The following FAM210B variants were observed in gnomAD, a reference collection of about 807,000 sequenced individuals.
FAM210B encodes family with sequence similarity 210 member B.
FAM210B carries 11 observed loss-of-function variants against 14.9 expected under a neutral mutation model. The observed-to-expected ratio is 0.74, with a 90% CI of 0.46 to 1.22. The LOEUF is 1.22. FAM210B is among the 50% of genes most tolerant of loss of function. FAM210B has a pLI of 0.00. For synonymous variants in FAM210B, 113 were observed against 110.2 expected, an observed-to-expected ratio of 1.03 and a Z score of -0.16; for missense variants, 229 against 250.1, an observed-to-expected ratio of 0.92 and a Z score of 0.57.
chr20:56,360,016 T>G (rs971647922), intron 1 of FAM210B, among the ~76,000 whole-genome samples: 21 of 152,224 alleles, frequency 1.4e-4, no homozygotes, highest in African/African-American at 5.1e-4. Flanking sequence ...CAGCAAGAGT[T>G]TGGGAGACAA....
At chr20:56,365,292 T>C (rs755209154) in intron 2 of FAM210B, 30 bp downstream of exon 2, 6 of 1,596,952 alleles carry the variant, frequency 3.8e-6, no homozygotes, top group Non-Finnish European at 5.1e-6. Flanking sequence ...TTAATATTTG[T>C]TTTTTACTGT....
At chr20:56,361,730 A>G (rs1337043473) in intron 1 of FAM210B, among the ~76,000 whole-genome samples, 3 of 152,126 alleles carry the variant, frequency 2.0e-5, no homozygotes, top group Non-Finnish European at 4.4e-5. Context: ...TAATCCCAGC[A>G]CTTTGGGAGG....
chr20:56,364,209 G>C (rs1983586227), intron 1 of FAM210B, among the ~76,000 whole-genome samples: 1 of 152,238 alleles, frequency 6.6e-6, no homozygotes. Flanking sequence ...CTAGAGGTCA[G>C]AAGTCCAAAA....
intron 1 of FAM210B, among the ~76,000 whole-genome samples, chr20:56,361,357 C>T (rs1482697839): frequency 6.6e-6 from 1 of 152,136 alleles, no homozygotes; most frequent in Non-Finnish European, 1.5e-5. Context: ...TGTTTATTGT[C>T]CCTGCCTTCC....
rs1381443547 is a variant in FAM210B at position 56,368,475 on chromosome 20, T to TC, written c.*2190dup. 6.6e-6 allele frequency: 1 copy of TC among 152,222 alleles called. No individual in the cohort carries two copies. The highest frequency in any genetic ancestry group is 2.4e-5 in the African/African-American group (1 of 41,440). 9.4% of individuals were successfully genotyped at this position (152,222 alleles called of 1,614,324 possible). On this transcript the variant is annotated 3_prime_UTR_variant, in exon 3 of 3. Transcript: ENST00000371384. ...CATACCAAAAAGCCACATTGCTCTC[T>TC]CCTAAGCCCCAACCCCACTCCACTC...
rs1176270649 is a variant in FAM210B, at chr20:56,367,882, C to T, written c.*1595C>T. On this transcript the variant is annotated 3_prime_UTR_variant, in exon 3 of 3. Transcript: ENST00000371384. ...CTGGCTCCTAATTCCTTTAAAATTA[C>T]ATTTGTTGCAGAACCTCCACAAGGC... 1 of 152,220 alleles carries T rather than the reference C, an allele frequency of 6.6e-6. No individual in the cohort carries two copies. The highest frequency in any genetic ancestry group is 1.9e-4 in the East Asian group (1 of 5,202). The allele number at this position is 152,220 out of a possible 1,614,324, so 9.4% of individuals were successfully genotyped here. A position where few individuals can be genotyped will look rare whatever the true frequency, so the allele number is the denominator to read the frequency against.
Position 56,359,312 on chromosome 20 carries a change from C to T in FAM210B, c.186+121C>T. ...CCTTTGCACTTGTAGCTGCCCGGGA[C>T]CGAGCTCTTCCAGGGTCCCCGAAAC... On this transcript the variant is annotated intron_variant, in intron 1 of 2. Transcript: ENST00000371384. This position sits in a 1 kb window ranked among gnomAD's most constrained non-coding sequence, Gnocchi z 4.3. The T allele has an allele frequency of 9.8e-7, 1 of 1,016,832 alleles. No homozygotes were observed. The highest frequency in any genetic ancestry group is 5.0e-5 in the South Asian group (1 of 19,814). 63.0% of individuals were successfully genotyped at this position (1,016,832 alleles called of 1,614,324 possible).
rs1367739302 is a variant in FAM210B at position 56,366,597 on chromosome 20, G to A, written c.*310G>A. On this transcript the variant is annotated 3_prime_UTR_variant, in exon 3 of 3. Coordinates refer to ENST00000371384, the MANE Select transcript of FAM210B (RefSeq NM_080821.3). ...AATGTTCCTTGTGGGAGACTTTGGC[G>A]AGGGTCTGTGGGTAAAAGCACCAGG... 1.5e-5 allele frequency: 4 copies of A among 267,670 alleles called. No homozygotes were observed. The South Asian group carries it at 2.0e-4, about 13-fold the overall frequency. The allele number at this position is 267,670 out of a possible 1,614,324, so 16.6% of individuals were successfully genotyped here.
rs1271914214 is a variant in FAM210B, at chr20:56,359,224, G to A, written c.186+33G>A. ...CCCCACCCCGACCCTGATCCCGGGC[G>A]GTGTCCAGGTCCCCAGACGTCCGCA... On this transcript the variant is annotated intron_variant, in intron 1 of 2. Coordinates refer to ENST00000371384, the MANE Select transcript of FAM210B (RefSeq NM_080821.3). This position sits in a 1 kb window ranked among gnomAD's most constrained non-coding sequence, Gnocchi z 4.3. The A allele has an allele frequency of 1.6e-6, 2 of 1,222,316 alleles. No homozygotes were observed. The highest frequency in any genetic ancestry group is 4.1e-5 in the South Asian group (1 of 24,184). The allele number at this position is 1,222,316 out of a possible 1,614,324, so 75.7% of individuals were successfully genotyped here.
Position 56,365,078 on chromosome 20 carries a change from T to G in FAM210B, c.187-9T>G. ...CTAAAGCACCTCCTCTTCTCTGATT[T>G]GTACACAGGACCCCAGCCAGGCCAC... is the stretch of plus-strand genomic sequence containing the variant. On this transcript the variant is annotated splice_polypyrimidine_tract_variant and intron_variant, in intron 1 of 2. Coordinates refer to ENST00000371384, the MANE Select transcript of FAM210B (RefSeq NM_080821.3). 1 of 1,610,370 alleles carries G rather than the reference T, an allele frequency of 6.2e-7. No individual in the cohort carries two copies. The highest frequency in any genetic ancestry group is 8.5e-7 in the Non-Finnish European group (1 of 1,179,044).
intron 1 of FAM210B, among the ~76,000 whole-genome samples, chr20:56,364,277 G>A (rs146493173): frequency 3.8e-4 from 58 of 152,274 alleles, no homozygotes; most frequent in African/African-American, 1.3e-3. Context: ...CTAGGGGCTC[G>A]AATCCATGTC....
chr20:56,360,278 A>C, intron 1 of FAM210B: 1 of 468,836 alleles, frequency 2.1e-6, no homozygotes, highest in South Asian at 1.5e-5. Context: ...GGCCCAGCCC[A>C]GCTGTTCCTT....
rs1164284471 is a variant in FAM210B at position 56,362,964 on chromosome 20, G to A, written c.187-2123G>A. 6.6e-6 allele frequency among the ~76,000 whole-genome samples: 1 copy of A among 152,206 alleles called. No homozygotes were observed. The highest frequency in any genetic ancestry group is 2.4e-5 in the African/African-American group (1 of 41,464). ...CCACCACCTGGCTGCTGTCCCCTCT[G>A]CAGCCTCCCTCAGCAGCTGGAGGTG... On this transcript the variant is annotated intron_variant, in intron 1 of 2. Transcript: ENST00000371384. The surrounding 1 kb of genome is among the most constrained non-coding windows in gnomAD (Gnocchi z 4.8).
At position 56,366,636 on chromosome 20, in the gene FAM210B, C is replaced by G. The variant is rs1473166224; in HGVS notation, c.*349C>G. The G allele has an allele frequency of 4.9e-6, 1 of 204,988 alleles. No homozygotes were observed. Among genetic ancestry groups the G allele is most frequent in the Non-Finnish European group, 9.8e-6 (1 of 101,804 alleles). 12.7% of individuals were successfully genotyped at this position (204,988 alleles called of 1,614,324 possible). On this transcript the variant is annotated 3_prime_UTR_variant, in exon 3 of 3. Coordinates refer to ENST00000371384, the MANE Select transcript of FAM210B (RefSeq NM_080821.3). Reference sequence around the variant, plus strand: ...AAAAGCACCAGGGGGTTAATCTTGGCTCAGTTTCCTAAAAAGCATTGATTA... The same window carrying G: ...AAAAGCACCAGGGGGTTAATCTTGGGTCAGTTTCCTAAAAAGCATTGATTA...
rs114510603 is a variant in FAM210B at position 56,362,701 on chromosome 20, G to A, written c.187-2386G>A. On this transcript the variant is annotated intron_variant, in intron 1 of 2. Coordinates refer to ENST00000371384, the MANE Select transcript of FAM210B (RefSeq NM_080821.3). This position sits in a 1 kb window ranked among gnomAD's most constrained non-coding sequence, Gnocchi z 4.8. ...CCCGAGATTGTCCCTGTGTCTGAAT[G>A]TCTTGGCCCTACCACAGTCTTGCAG... Among the ~76,000 whole-genome samples the A allele has an allele frequency of 3.2e-3, 495 of 152,338 alleles. 4 individuals are homozygous for A. Among genetic ancestry groups the A allele is most frequent in the African/African-American group, 0.012 (481 of 41,584 alleles).
Position 56,366,099 on chromosome 20 carries a change from A to G in FAM210B, c.391A>G (p.Lys131Glu). Residue 131 changes from lysine to glutamate, a missense_variant, in exon 3 of 3, where the codon AAA (lysine) becomes GAA (glutamate). By Grantham distance (56) the Lys-to-Glu change is moderately conservative (BLOSUM62 1). Around this residue, in one of 3 missense-constraint regions of FAM210B, gnomAD observed 32 missense variants for 62.2 expected, o/e 0.51. Coordinates refer to ENST00000371384, the MANE Select transcript of FAM210B (RefSeq NM_080821.3). ...SGVDMPAILL[K>E]LGFKESLVQS... ...TGTGGACATGCCTGCAATCCTGCTG[A>G]AACTCGGATTTAAAGAGTCCCTGGT... 1 of 1,614,152 alleles carries G rather than the reference A, an allele frequency of 6.2e-7. No individual in the cohort carries two copies. Among genetic ancestry groups the G allele is most frequent in the Non-Finnish European group, 8.5e-7 (1 of 1,180,016 alleles).
Position 56,365,960 on chromosome 20 carries a change from A to AAT in FAM210B, c.363-111_363-110insAT. 5.3e-6 allele frequency: 4 copies of AAT among 750,590 alleles called. 2 individuals carry two copies. Among genetic ancestry groups the AAT allele is most frequent in the Non-Finnish European group, 7.9e-6 (4 of 508,000 alleles). The allele number at this position is 750,590 out of a possible 1,614,324, so 46.5% of individuals were successfully genotyped here. ...CACCTGGCCACTAAGACTTTTATTC[A>AAT]TTCAGCTACTTCATTACATTTTTTA... On this transcript the variant is annotated intron_variant, in intron 2 of 2. Coordinates refer to ENST00000371384, the MANE Select transcript of FAM210B (RefSeq NM_080821.3).
In FAM210B at chr20:56,367,348, G is replaced by C. The variant is rs1191171633; in HGVS notation, c.*1061G>C. ...AGAGATTAGCTAAGAGTAGAAATTC[G>C]AGCATAGAGGCCAGGTGCGGTGGCT... On this transcript the variant is annotated 3_prime_UTR_variant, in exon 3 of 3. Transcript: ENST00000371384. 6.6e-6 allele frequency: 1 copy of C among 152,178 alleles called. No individual in the cohort carries two copies. Among genetic ancestry groups the C allele is most frequent in the Non-Finnish European group, 1.5e-5 (1 of 68,064 alleles). 9.4% of individuals were successfully genotyped at this position (152,178 alleles called of 1,614,324 possible).
intron 1 of FAM210B, chr20:56,360,717 C>G (rs183975943): frequency 4.5e-5 from 7 of 157,028 alleles, no homozygotes; most frequent in Admixed American, 6.1e-5. Flanking sequence ...CCCAGGGCCC[C>G]GTGAGCTGTC....
Sources: gnomAD v4.1 joint callset for allele counts (sites outside exome capture counted in the v4.1 genomes callset) on GRCh38, gnomAD v4.1.1 for gene constraint, gnomAD v4.1.1 regional missense constraint, Gnocchi (gnomAD v3.1) non-coding constraint, MANE v1.5 for transcripts, NCBI Gene and HGNC (gene_info 2026-07-23, HGNC 2026-07-21) for gene names.